Variants in SNX30 observed in about 807,000 individuals in gnomAD.
The protein encoded by SNX30 is sorting nexin-30.
In SNX30, 24 loss-of-function variants were observed where a neutral mutation model predicts 46.4. The ratio of observed to expected loss-of-function variants is 0.52; its 90% CI spans 0.37 to 0.73. The LOEUF is 0.73. Ranked by LOEUF, SNX30 falls within the 30% of genes least tolerant of loss-of-function variation. The probability of loss-of-function intolerance (pLI) is 0.00; values close to 1 mark genes in which losing one functional copy is unlikely to be tolerated. For synonymous variants in SNX30, 189 were observed against 211.5 expected, an observed-to-expected ratio of 0.89 and a Z score of 0.92; for missense variants, 533 against 555.7, an observed-to-expected ratio of 0.96 and a Z score of 0.41.
intron 1 of SNX30, among the ~76,000 whole-genome samples, chr9:112,797,544 TA>T (rs1191715479): frequency 2.0e-5 from 3 of 152,078 alleles, no homozygotes; most frequent in African/African-American, 7.2e-5. Flanking sequence ...TGTAAAATCA[TA>T]CTTCCATTAT....
intron 1 of SNX30, among the ~76,000 whole-genome samples, chr9:112,754,768 C>G (rs1301859565): frequency 6.6e-6 from 1 of 152,098 alleles, no homozygotes; most frequent in African/African-American, 2.4e-5. Context: ...TTTTAACTTT[C>G]ATCTGTAAAT....
chr9:112,809,142 A>G (rs1840277261), intron 2 of SNX30, among the ~76,000 whole-genome samples: 1 of 149,312 alleles, frequency 6.7e-6, no homozygotes, highest in South Asian at 2.1e-4. Context: ...GCTGGAGTGC[A>G]GTGGTATGAC....
chr9:112,849,788 C>T (rs948667978), intron 6 of SNX30, among the ~76,000 whole-genome samples: 1 of 152,178 alleles, frequency 6.6e-6, no homozygotes, highest in Non-Finnish European at 1.5e-5. Context: ...TCCTTCCTGC[C>T]TTGACTCCTC....
At position 112,865,641 on chromosome 9, in the gene SNX30, ATATATATATATATATATATATGTATG is replaced by A. The variant is rs1437005061; in HGVS notation, c.1254+1246_1254+1271del. On this transcript the variant is annotated intron_variant, in intron 8 of 8. Transcript: ENST00000374232. ...TGTCACGCCATATATATATATATAT[ATATATATATATATATATATATGTATG>A]TATGTATGCACACACACACACACGT... 2.2e-4 allele frequency among the ~76,000 whole-genome samples: 26 copies of A among 116,352 alleles called. 1 individual carries two copies. Among genetic ancestry groups the A allele is most frequent in the African/African-American group, 8.2e-4 (25 of 30,576 alleles). The allele number at this position is 116,352 out of a possible 152,430, so 76.3% of individuals were successfully genotyped here.
At chr9:112,810,812 G>C (rs1017906768) in intron 2 of SNX30, among the ~76,000 whole-genome samples, 10 of 152,188 alleles carry the variant, frequency 6.6e-5, no homozygotes, top group African/African-American at 2.4e-4. Context: ...GATGACAGCT[G>C]TGCGGGAGAG....
chr9:112,797,377 G>A (rs1015695797), intron 1 of SNX30, among the ~76,000 whole-genome samples: 1 of 152,162 alleles, frequency 6.6e-6, no homozygotes, highest in Non-Finnish European at 1.5e-5. Context: ...GAAGAGAATT[G>A]TATAATGAAC....
At chr9:112,836,095 A>G (rs934244882) in intron 4 of SNX30, 119 bp from the exon 5 acceptor site, 5 of 955,454 alleles carry the variant, frequency 5.2e-6, no homozygotes, top group African/African-American at 1.6e-5. Context: ...CCTCTAACTC[A>G]GCTCCTTGTT....
intron 1 of SNX30, among the ~76,000 whole-genome samples, chr9:112,778,819 A>G (rs1588113249): frequency 6.6e-6 from 1 of 150,866 alleles, no homozygotes; most frequent in South Asian, 2.1e-4. Flanking sequence ...AGGCAGGTGG[A>G]TGAACAGGCA....
chr9:112,818,199 CTT>C (rs10574279), intron 3 of SNX30, among the ~76,000 whole-genome samples: 94,118 of 114,460 alleles, frequency 0.82, 38,157 homozygotes, highest in Middle Eastern at 0.87. Flanking sequence ...AAATTTAAAT[CTT>C]TTTTTTTTTT....
At chr9:112,844,951 G>A (rs1023619583) in intron 6 of SNX30, among the ~76,000 whole-genome samples, 2 of 152,200 alleles carry the variant, frequency 1.3e-5, no homozygotes, top group Non-Finnish European at 2.9e-5. Context: ...CTGAAATGAA[G>A]AGTTTTCTGG....
At chr9:112,781,096 G>C (rs1257125347) in intron 1 of SNX30, among the ~76,000 whole-genome samples, 3 of 151,096 alleles carry the variant, frequency 2.0e-5, no homozygotes, top group Admixed American at 1.3e-4. Context: ...TATTTTGGTG[G>C]TGGTGTCCTG....
chr9:112,786,806 T>C (rs916148795), intron 1 of SNX30, among the ~76,000 whole-genome samples: 1 of 152,128 alleles, frequency 6.6e-6, no homozygotes, highest in Non-Finnish European at 1.5e-5. Context: ...CCTGGCCCCT[T>C]CTTGCCTTTT....
chr9:112,812,854 T>C (rs1196889450), intron 2 of SNX30, among the ~76,000 whole-genome samples: 1 of 152,136 alleles, frequency 6.6e-6, no homozygotes, highest in African/African-American at 2.4e-5. Context: ...CCATTTTCCC[T>C]TAAAACAACA....
At chr9:112,823,367 C>G (rs930102563) in intron 3 of SNX30, among the ~76,000 whole-genome samples, 1 of 152,206 alleles carries the variant, frequency 6.6e-6, no homozygotes, top group African/African-American at 2.4e-5. Context: ...ATAACACTAG[C>G]TTTATATCCA....
At position 112,765,113 on chromosome 9, in the gene SNX30, C is replaced by T. The variant is rs112585277; in HGVS notation, c.156+13956C>T. 3.3e-4 allele frequency among the ~76,000 whole-genome samples: 50 copies of T among 152,192 alleles called. No individual in the cohort carries two copies. The East Asian group carries it at 8.9e-3, about 27-fold the overall frequency. Reference sequence around the variant, plus strand: ...GTAAGGAAGTCCCAATTCCAGCTACCGGGTTCAGAAGCAGCTGTGAGGTGT... The same window carrying T: ...GTAAGGAAGTCCCAATTCCAGCTACTGGGTTCAGAAGCAGCTGTGAGGTGT... On this transcript the variant is annotated intron_variant, in intron 1 of 8. Coordinates refer to ENST00000374232, the MANE Select transcript of SNX30 (RefSeq NM_001012994.2).
At chr9:112,828,673 A>C (rs944330515) in intron 3 of SNX30, among the ~76,000 whole-genome samples, 1 of 152,204 alleles carries the variant, frequency 6.6e-6, no homozygotes. Flanking sequence ...TGTCAATGGC[A>C]GTGTTCTCTC....
intron 2 of SNX30, among the ~76,000 whole-genome samples, chr9:112,817,401 C>CCTTT (rs1840414195): frequency 1.1e-4 from 5 of 46,832 alleles, no homozygotes; most frequent in African/African-American, 3.9e-4. Context: ...AAAAAACTGG[C>CCTTT]TTTTTTTTTT....
intron 4 of SNX30, among the ~76,000 whole-genome samples, chr9:112,834,816 A>G (rs1279878977): frequency 6.7e-6 from 1 of 149,204 alleles, no homozygotes; most frequent in Non-Finnish European, 1.5e-5. Flanking sequence ...TGAGCCAGGA[A>G]CCGTGGATTA....
At chr9:112,859,270 G>T (rs1439783427) in intron 7 of SNX30, among the ~76,000 whole-genome samples, 1 of 151,944 alleles carries the variant, frequency 6.6e-6, no homozygotes, top group African/African-American at 2.4e-5. Context: ...CCTTTTTGAG[G>T]CTGAATAATA....
Sources: allele counts gnomAD v4.1 joint callset (sites outside exome capture counted in the v4.1 genomes callset), GRCh38; gene constraint gnomAD v4.1.1; transcripts MANE v1.5; gene names NCBI Gene and HGNC (gene_info 2026-07-23, HGNC 2026-07-21).